SPIDR: variants seen among roughly 807,000 people sequenced by gnomAD.
The protein encoded by SPIDR is DNA repair-scaffolding protein.
Under a neutral mutation model 104.6 loss-of-function variants are expected in SPIDR, and 93 were observed. That is an observed-to-expected ratio of 0.89 (90% CI 0.75 to 1.06). The LOEUF (loss-of-function observed/expected upper bound fraction) is 1.06, where lower values mean the gene tolerates loss of function less well. SPIDR is among the 50% of genes least tolerant of loss of function. The pLI, the probability that SPIDR is intolerant of heterozygous loss-of-function variation, is 0.00. For missense variants in SPIDR, 1,154 were observed against 1,111.2 expected (o/e 1.04, Z -0.55); for synonymous variants, 431 against 416.9 (o/e 1.03, Z -0.41).
intron 5 of SPIDR, among the ~76,000 whole-genome samples, chr8:47,374,065 T>C (rs1283665197): frequency 1.3e-5 from 2 of 152,256 alleles, no homozygotes; most frequent in African/African-American, 4.8e-5. Flanking sequence ...TGGTTTCTAC[T>C]GAGACGTCTT....
chr8:47,366,157 C>T (rs1236612634), intron 5 of SPIDR, among the ~76,000 whole-genome samples: 5 of 152,046 alleles, frequency 3.3e-5, no homozygotes, highest in African/African-American at 7.2e-5. Flanking sequence ...TGGAGCTGAC[C>T]GTTCCCTGCT....
At chr8:47,641,533 A>G (rs1347528332) in intron 10 of SPIDR, among the ~76,000 whole-genome samples, 1 of 152,246 alleles carries the variant, frequency 6.6e-6, no homozygotes, top group African/African-American at 2.4e-5. Flanking sequence ...GCCATTACAA[A>G]TATATGTTTA....
At chr8:47,366,832 G>C (rs879964565) in intron 5 of SPIDR, among the ~76,000 whole-genome samples, 1 of 152,172 alleles carries the variant, frequency 6.6e-6, no homozygotes, top group Non-Finnish European at 1.5e-5. Flanking sequence ...TGGTTATTCT[G>C]CTCTCAGGAT....
intron 6 of SPIDR, among the ~76,000 whole-genome samples, chr8:47,400,950 G>C (rs1006883008): frequency 6.6e-6 from 1 of 151,998 alleles, no homozygotes; most frequent in African/African-American, 2.4e-5. Flanking sequence ...AATCTAGCGA[G>C]GCAGGCCAAC....
At chr8:47,447,886 A>T (rs1554703122) in intron 8 of SPIDR, among the ~76,000 whole-genome samples, 1 of 152,234 alleles carries the variant, frequency 6.6e-6, no homozygotes, top group Non-Finnish European at 1.5e-5. Context: ...TTACCAATAA[A>T]GTGTTTTTGA....
chr8:47,451,119 A>G (rs1442781684), intron 8 of SPIDR, among the ~76,000 whole-genome samples: 1 of 152,242 alleles, frequency 6.6e-6, no homozygotes, highest in Non-Finnish European at 1.5e-5. Context: ...ATGTGAAATC[A>G]GTTGTCTTAA....
At chr8:47,287,137 A>G (rs1265894412) in intron 3 of SPIDR, among the ~76,000 whole-genome samples, 1 of 152,170 alleles carries the variant, frequency 6.6e-6, no homozygotes, top group Non-Finnish European at 1.5e-5. Context: ...AGGACTTCAA[A>G]AGGGGAGGGG....
At position 47,647,613 on chromosome 8, in the gene SPIDR, CGAAAGA is replaced by C. The variant is rs2070667631; in HGVS notation, c.1545-26185_1545-26180del. On this transcript the variant is annotated intron_variant, in intron 10 of 19. Transcript: ENST00000297423. ...TGGGTGACAGAGTGAGACTCCATCTCGAAAGAGAGAGAGAGAGAGAGAGAGAGAGAG... is the reference window on the plus strand; with the variant it reads ...TGGGTGACAGAGTGAGACTCCATCTCGAGAGAGAGAGAGAGAGAGAGAGAG... Among the ~76,000 whole-genome samples, 20 of 20,494 alleles carry C rather than the reference CGAAAGA, an allele frequency of 9.8e-4. No individual in the cohort carries two copies. In the South Asian group the frequency reaches 0.027, roughly 28 times the overall value. 13.4% of individuals were successfully genotyped at this position (20,494 alleles called of 152,430 possible).
At chr8:47,313,270 GACAA>G (rs1410287833) in intron 5 of SPIDR, among the ~76,000 whole-genome samples, 1 of 152,108 alleles carries the variant, frequency 6.6e-6, no homozygotes, top group African/African-American at 2.4e-5. Flanking sequence ...ACCAATAACA[GACAA>G]ACAGAGAGCC....
intron 5 of SPIDR, among the ~76,000 whole-genome samples, chr8:47,339,679 CTTTT>C (rs199765975): frequency 7.4e-6 from 1 of 135,866 alleles, no homozygotes. Flanking sequence ...TGTTTACAAT[CTTTT>C]TTTTTTTTTT....
chr8:47,596,950 C>T lies in SPIDR; in HGVS notation c.1293+944C>T, dbSNP rs2061689444. ...ATATCACCATCTTCCACCTCCACAT[C>T]TTGTCCCACTGGAATGTGTTGAGGG... On this transcript the variant is annotated intron_variant, in intron 9 of 19. Coordinates refer to ENST00000297423, the MANE Select transcript of SPIDR (RefSeq NM_001080394.4). Among the ~76,000 whole-genome samples, 3 of 152,172 alleles carry T rather than the reference C, an allele frequency of 2.0e-5. No homozygotes were observed. In the South Asian group the frequency reaches 6.2e-4, roughly 32 times the overall value.
intron 8 of SPIDR, among the ~76,000 whole-genome samples, chr8:47,470,977 G>A (rs35235599): frequency 0.52 from 79,626 of 151,766 alleles, 24,580 homozygotes; most frequent in East Asian, 0.73. Context: ...CTTGTGATCC[G>A]CCCGCCTTGG....
chr8:47,636,997 A>G (rs1330259971), intron 10 of SPIDR, among the ~76,000 whole-genome samples: 3 of 152,166 alleles, frequency 2.0e-5, no homozygotes, highest in Non-Finnish European at 4.4e-5. Flanking sequence ...ACAGACATTC[A>G]CCATTGTCTT....
intron 5 of SPIDR, among the ~76,000 whole-genome samples, chr8:47,355,689 C>T (rs1418125834): frequency 2.6e-5 from 4 of 152,200 alleles, no homozygotes; most frequent in Non-Finnish European, 5.9e-5. Context: ...CTACTTTAAT[C>T]AGAGTCCAGT....
At chr8:47,558,773 C>T (rs1439964130) in intron 8 of SPIDR, among the ~76,000 whole-genome samples, 2 of 151,838 alleles carry the variant, frequency 1.3e-5, no homozygotes, top group Admixed American at 6.6e-5. Context: ...CCAAGTAGCT[C>T]GGACTACAGG....
chr8:47,396,652 CTT>C (rs782554395), intron 6 of SPIDR, 26 bp downstream of exon 6: 4 of 1,552,650 alleles, frequency 2.6e-6, no homozygotes, highest in Middle Eastern at 3.5e-4. Context: ...TTTAAATACT[CTT>C]TTTAAATTTT....
intron 5 of SPIDR, among the ~76,000 whole-genome samples, chr8:47,390,455 T>A (rs1325001173): frequency 3.3e-5 from 5 of 151,816 alleles, no homozygotes; most frequent in Non-Finnish European, 7.4e-5. Flanking sequence ...GCTGTGTCCT[T>A]GCAAAATAGT....
intron 3 of SPIDR, 23 bp from the exon 4 acceptor site, chr8:47,291,010 T>G: frequency 6.4e-7 from 1 of 1,564,366 alleles, no homozygotes; most frequent in Non-Finnish European, 8.8e-7. Context: ...ATCATATTTA[T>G]GTGCTTTCTT....
At chr8:47,732,411 A>G in intron 19 of SPIDR, 1 of 562,570 alleles carries the variant, frequency 1.8e-6, no homozygotes, top group African/African-American at 1.9e-5. Flanking sequence ...ACATGCGTAC[A>G]TGTGTGTATG....
Sources: allele counts gnomAD v4.1 joint callset (sites outside exome capture counted in the v4.1 genomes callset), GRCh38; gene constraint gnomAD v4.1.1; transcripts MANE v1.5; gene names NCBI Gene and HGNC (gene_info 2026-07-23, HGNC 2026-07-21).